C1orf21: variants seen among roughly 807,000 people sequenced by gnomAD.
The protein encoded by C1orf21 is uncharacterized protein C1orf21.
Under a neutral mutation model 18.7 loss-of-function variants are expected in C1orf21, and 3 were observed. The observed-to-expected ratio is 0.16, with a 90% CI of 0.07 to 0.42. The LOEUF (loss-of-function observed/expected upper bound fraction) is 0.42, where lower values mean the gene tolerates loss of function less well. Ranked by LOEUF, C1orf21 falls within the 10% of genes least tolerant of loss-of-function variation. The pLI, the probability that C1orf21 is intolerant of heterozygous loss-of-function variation, is 0.99. For missense variants in C1orf21, 104 were observed against 143.6 expected (o/e 0.72, Z 1.41); for synonymous variants, 41 against 46.4 (o/e 0.88, Z 0.47).
At chr1:184,416,676 C>A (rs977938328) in intron 1 of C1orf21, among the ~76,000 whole-genome samples, 2 of 152,162 alleles carry the variant, frequency 1.3e-5, no homozygotes, top group Non-Finnish European at 2.9e-5. Flanking sequence ...GATCACCTAC[C>A]TTATTTGGCA....
intron 1 of C1orf21, among the ~76,000 whole-genome samples, chr1:184,429,507 C>T (rs1211559214): frequency 6.6e-6 from 1 of 152,058 alleles, no homozygotes; most frequent in Non-Finnish European, 1.5e-5. Context: ...GTACGTGTTT[C>T]CATGGACACT....
intron 2 of C1orf21, among the ~76,000 whole-genome samples, chr1:184,492,328 G>A (rs1340548894): frequency 6.6e-6 from 1 of 152,206 alleles, no homozygotes; most frequent in Non-Finnish European, 1.5e-5. Flanking sequence ...TGCTATGGGA[G>A]TGTTGAGTGC....
chr1:184,567,110 T>A, intron 3 of C1orf21: 1 of 476,512 alleles, frequency 2.1e-6, no homozygotes, highest in Non-Finnish European at 4.2e-6. Flanking sequence ...CTATGAAGTA[T>A]TCCTTCCACA....
intron 2 of C1orf21, among the ~76,000 whole-genome samples, chr1:184,488,454 C>T (rs902914641): frequency 2.0e-5 from 3 of 152,312 alleles, no homozygotes; most frequent in Non-Finnish European, 2.9e-5. Flanking sequence ...CTAGAGGCAG[C>T]AGACACAGAT....
At chr1:184,498,875 A>T (rs1040239095) in intron 2 of C1orf21, among the ~76,000 whole-genome samples, 5 of 152,234 alleles carry the variant, frequency 3.3e-5, no homozygotes, top group South Asian at 4.1e-4. Context: ...TGGGCTCTGA[A>T]TCAGACCACT....
At position 184,477,593 on chromosome 1, in the gene C1orf21, T is replaced by C; in HGVS notation, c.84T>C (p.Asp28=). The C allele has an allele frequency of 6.2e-7, 1 of 1,613,890 alleles. No homozygotes were observed. Among genetic ancestry groups the C allele is most frequent in the Non-Finnish European group, 8.5e-7 (1 of 1,179,866 alleles). ...AQKGKNYQNG[D]VFGDEYRIKP... Reference sequence around the variant, plus strand: ...AAGGGAAAAACTACCAGAACGGAGATGTGTTTGGCGGTGAGTCCTATCAAA... The same window carrying C: ...AAGGGAAAAACTACCAGAACGGAGACGTGTTTGGCGGTGAGTCCTATCAAA... Residue 28 remains aspartate (D), a synonymous_variant, in exon 2 of 6, where the codon GAT becomes GAC. Coordinates refer to ENST00000235307, the MANE Select transcript of C1orf21 (RefSeq NM_030806.4).
intron 3 of C1orf21, among the ~76,000 whole-genome samples, chr1:184,584,978 A>C (rs962419071): frequency 1.3e-5 from 2 of 152,184 alleles, no homozygotes; most frequent in Non-Finnish European, 2.9e-5. Flanking sequence ...CTATGTTGAA[A>C]CTGGATTGTC....
intron 3 of C1orf21, among the ~76,000 whole-genome samples, chr1:184,529,470 C>G (rs1448505397): frequency 6.6e-6 from 1 of 152,170 alleles, no homozygotes; most frequent in Non-Finnish European, 1.5e-5. Flanking sequence ...TATTTTGAAA[C>G]ATATATAGAT....
intron 2 of C1orf21, among the ~76,000 whole-genome samples, chr1:184,494,026 CAGGTAATAA>C (rs1281742223): frequency 6.6e-6 from 1 of 152,072 alleles, no homozygotes; most frequent in Non-Finnish European, 1.5e-5. Context: ...CACATTCTAG[CAGGTAATAA>C]AGGTAATAAA....
chr1:184,506,847 G>A (rs1391159000), intron 2 of C1orf21, among the ~76,000 whole-genome samples: 3 of 152,038 alleles, frequency 2.0e-5, no homozygotes, highest in African/African-American at 7.2e-5. Flanking sequence ...CTGTTGCGGA[G>A]GCTAGGTCCC....
intron 1 of C1orf21, among the ~76,000 whole-genome samples, chr1:184,418,338 C>G (rs1656492157): frequency 6.6e-6 from 1 of 152,164 alleles, no homozygotes; most frequent in Non-Finnish European, 1.5e-5. Flanking sequence ...CCCACCTCAG[C>G]CTCCCAAATA....
chr1:184,504,820 T>C (rs892749705), intron 2 of C1orf21, among the ~76,000 whole-genome samples: 1 of 152,206 alleles, frequency 6.6e-6, no homozygotes, highest in Non-Finnish European at 1.5e-5. Context: ...GTATCCAATC[T>C]TATTGTGTTC....
At chr1:184,539,610 C>T (rs1658615234) in intron 3 of C1orf21, among the ~76,000 whole-genome samples, 1 of 152,218 alleles carries the variant, frequency 6.6e-6, no homozygotes, top group African/African-American at 2.4e-5. Flanking sequence ...GTGAAGCAAT[C>T]AGGCCCAGGA....
chr1:184,549,633 T>A (rs34141555), intron 3 of C1orf21, among the ~76,000 whole-genome samples: 2 of 151,902 alleles, frequency 1.3e-5, no homozygotes, highest in African/African-American at 4.8e-5. Context: ...TGTTTGATTG[T>A]TTTTGTGATG....
chr1:184,525,503 TC>T (rs1483693409), intron 3 of C1orf21, among the ~76,000 whole-genome samples: 2 of 152,096 alleles, frequency 1.3e-5, no homozygotes, highest in South Asian at 2.1e-4. Flanking sequence ...GACTGTATAA[TC>T]AAAAGCCATA....
chr1:184,614,744 A>G (rs1196993475), intron 5 of C1orf21, among the ~76,000 whole-genome samples: 1 of 152,218 alleles, frequency 6.6e-6, no homozygotes, highest in Admixed American at 6.5e-5. Context: ...AGACACTGAC[A>G]GATCATCAGG....
At chr1:184,414,090 A>T (rs954043812) in intron 1 of C1orf21, among the ~76,000 whole-genome samples, 2 of 152,152 alleles carry the variant, frequency 1.3e-5, no homozygotes, top group African/African-American at 4.8e-5. Flanking sequence ...CCTGAACCTA[A>T]CACCGGACCA....
intron 3 of C1orf21, among the ~76,000 whole-genome samples, chr1:184,535,517 C>T (rs143351830): frequency 3.9e-5 from 6 of 152,280 alleles, no homozygotes; most frequent in East Asian, 1.9e-4. Flanking sequence ...ACATGAAGTA[C>T]GTCAAACAGC....
chr1:184,548,214 AACAC>A (rs58174774), intron 3 of C1orf21, among the ~76,000 whole-genome samples: 8,867 of 139,956 alleles, frequency 0.063, 361 homozygotes, highest in African/African-American at 0.12. Flanking sequence ...TCAAATCCCC[AACAC>A]ACACACACAC....
Sources: allele counts gnomAD v4.1 joint callset (sites outside exome capture counted in the v4.1 genomes callset), GRCh38; gene constraint gnomAD v4.1.1; transcripts MANE v1.5; gene names NCBI Gene and HGNC (gene_info 2026-07-23, HGNC 2026-07-21).